The following SYNPR variants were observed in gnomAD, a reference collection of about 807,000 sequenced individuals.
SYNPR encodes the protein synaptoporin.
SYNPR carries 23 observed loss-of-function variants against 32.9 expected under a neutral mutation model. The ratio of observed to expected loss-of-function variants is 0.70; its 90% CI spans 0.50 to 0.99. SYNPR has a LOEUF of 0.99. Among genes scored for constraint, SYNPR ranks in the 50% least tolerant of loss-of-function variants. SYNPR has a pLI of 0.00. For missense variants in SYNPR, 318 were observed against 349.3 expected, an observed-to-expected ratio of 0.91 and a Z score of 0.71; for synonymous variants, 146 against 135.9, an observed-to-expected ratio of 1.07 and a Z score of -0.52.
intron 2 of SYNPR, among the ~76,000 whole-genome samples, chr3:63,454,830 A>G (rs1324574247): frequency 6.6e-6 from 1 of 152,114 alleles, no homozygotes; most frequent in Non-Finnish European, 1.5e-5. Context: ...GGTTTAAACT[A>G]TTACCATTGC....
intron 2 of SYNPR, among the ~76,000 whole-genome samples, chr3:63,335,073 G>T (rs901972085): frequency 6.6e-6 from 1 of 152,202 alleles, no homozygotes; most frequent in Non-Finnish European, 1.5e-5. Flanking sequence ...AGAAATGGCA[G>T]GCCTGGCGCC....
rs111941438 is a variant in SYNPR at position 63,291,262 on chromosome 3, C to T, written c.84+12520C>T. 2.2e-4 allele frequency among the ~76,000 whole-genome samples: 34 copies of T among 151,958 alleles called. 1 individual carries two copies. The highest frequency in any genetic ancestry group is 1.9e-3 in the Admixed American group (29 of 15,276). On this transcript the variant is annotated intron_variant, in intron 2 of 5. Transcript: ENST00000478300. ...TAAAAATGGATTAATGGCTGAGAAA[C>T]CTTGGGTAAATGTCTTTATCTTTCT...
chr3:63,333,347 A>AG (rs1430157102), intron 2 of SYNPR, among the ~76,000 whole-genome samples: 1 of 151,802 alleles, frequency 6.6e-6, no homozygotes, highest in African/African-American at 2.4e-5. Context: ...AAAAAAAAAA[A>AG]AAGCAAAGAG....
At chr3:63,513,504 G>A (rs1701736647) in intron 3 of SYNPR, among the ~76,000 whole-genome samples, 1 of 152,110 alleles carries the variant, frequency 6.6e-6, no homozygotes, top group African/African-American at 2.4e-5. Flanking sequence ...TGAACCAAAT[G>A]TATTTAGCCA....
chr3:63,368,398 T>A (rs2087753312), intron 2 of SYNPR, among the ~76,000 whole-genome samples: 2 of 152,162 alleles, frequency 1.3e-5, no homozygotes, highest in African/African-American at 4.8e-5. Context: ...TGATGTTGCA[T>A]ATGCTGAGTT....
At chr3:63,268,676 A>G (rs2086510746) in intron 3 of SYNPR, among the ~76,000 whole-genome samples, 1 of 144,754 alleles carries the variant, frequency 6.9e-6, no homozygotes, top group South Asian at 2.1e-4. Flanking sequence ...GAGGAGGAGG[A>G]AGAGGAGGGG....
intron 3 of SYNPR, among the ~76,000 whole-genome samples, chr3:63,508,772 G>C (rs1226402415): frequency 1.3e-5 from 2 of 152,092 alleles, no homozygotes; most frequent in Non-Finnish European, 2.9e-5. Flanking sequence ...TTAAAGGATG[G>C]CAGCTACCAG....
intron 4 of SYNPR, chr3:63,561,602 A>G (rs764762694): frequency 2.8e-4 from 27 of 97,324 alleles, no homozygotes; most frequent in Non-Finnish European, 5.7e-4. Context: ...GTCATAGAGG[A>G]TTTTATTTTA....
intron 2 of SYNPR, among the ~76,000 whole-genome samples, chr3:63,425,835 T>G (rs1185762352): frequency 6.6e-6 from 1 of 150,700 alleles, no homozygotes; most frequent in African/African-American, 2.4e-5. Flanking sequence ...CAGGCTGGAG[T>G]GCAGTGGCAC....
chr3:63,469,113 C>T (rs1700746205), intron 2 of SYNPR, among the ~76,000 whole-genome samples: 1 of 151,978 alleles, frequency 6.6e-6, no homozygotes, highest in Non-Finnish European at 1.5e-5. Flanking sequence ...GTATTGAATT[C>T]AGCCAGAACT....
At chr3:63,537,666 C>T (rs949830335) in intron 3 of SYNPR, among the ~76,000 whole-genome samples, 15 of 152,100 alleles carry the variant, frequency 9.9e-5, no homozygotes, top group African/African-American at 2.4e-4. Flanking sequence ...AAAGATTCTA[C>T]GATGTCAGGA....
the SYNPR span, among the ~76,000 whole-genome samples, chr3:63,209,110 T>C: frequency 1.3e-3 from 198 of 152,194 alleles, 1 homozygote; most frequent in African/African-American, 4.7e-3. Context: ...CATCCTTTTA[T>C]GTTTTAAACC....
intron 3 of SYNPR, among the ~76,000 whole-genome samples, chr3:63,552,837 C>T (rs760172389): frequency 6.6e-5 from 10 of 152,112 alleles, no homozygotes; most frequent in African/African-American, 9.7e-5. Flanking sequence ...TGGCTTAGAA[C>T]GAATTACTTA....
At chr3:63,271,169 G>T (rs1433060256) in intron 3 of SYNPR, among the ~76,000 whole-genome samples, 1 of 152,026 alleles carries the variant, frequency 6.6e-6, no homozygotes, top group African/African-American at 2.4e-5. Context: ...GTGTAAAACT[G>T]CAGTGCAATA....
chr3:63,201,518 A>G, the SYNPR span, among the ~76,000 whole-genome samples: 1 of 152,186 alleles, frequency 6.6e-6, no homozygotes, highest in Non-Finnish European at 1.5e-5. Flanking sequence ...ATAACACTAT[A>G]AAGAGTGGAG....
intron 3 of SYNPR, among the ~76,000 whole-genome samples, chr3:63,549,075 G>T (rs1169884777): frequency 6.6e-6 from 1 of 152,142 alleles, no homozygotes; most frequent in African/African-American, 2.4e-5. Context: ...GCATAGTCAG[G>T]TTCATTTACC....
chr3:63,240,989 G>A (rs976374279), intron 1 of SYNPR, among the ~76,000 whole-genome samples: 6 of 151,994 alleles, frequency 3.9e-5, no homozygotes, highest in Non-Finnish European at 7.4e-5. Flanking sequence ...TCTAAAGCAG[G>A]ATAGTAAAAT....
At chr3:63,200,718 A>G in the SYNPR span, among the ~76,000 whole-genome samples, 1 of 152,182 alleles carries the variant, frequency 6.6e-6, no homozygotes, top group East Asian at 1.9e-4. Context: ...CTTTCCCTAC[A>G]TCAAGCTGTT....
At chr3:63,450,746 A>AG (rs1700363954) in intron 2 of SYNPR, among the ~76,000 whole-genome samples, 1 of 152,286 alleles carries the variant, frequency 6.6e-6, no homozygotes, top group South Asian at 2.1e-4. Flanking sequence ...GGTGGTTTGC[A>AG]GTGGGCTTGT....
Sources: allele counts gnomAD v4.1 joint callset (sites outside exome capture counted in the v4.1 genomes callset), GRCh38; gene constraint gnomAD v4.1.1; transcripts MANE v1.5; gene names NCBI Gene and HGNC (gene_info 2026-07-23, HGNC 2026-07-21).